The following ACSM3 variants were observed in gnomAD, a reference collection of about 807,000 sequenced individuals.
ACSM3 encodes acyl-CoA synthetase medium chain family member 3.
In ACSM3, 61 loss-of-function variants were observed where a neutral mutation model predicts 74.1. The observed-to-expected ratio is 0.82, with a 90% CI of 0.67 to 1.02. The LOEUF (loss-of-function observed/expected upper bound fraction) is 1.02, where lower values mean the gene tolerates loss of function less well. ACSM3 is among the 50% of genes least tolerant of loss of function. The pLI is 0.00. For synonymous variants in ACSM3, 213 were observed against 241.5 expected (o/e 0.88, Z 1.09); for missense variants, 660 against 697.0 (o/e 0.95, Z 0.60).
At chr16:20,738,742 T>A in intron 1 of ACSM3, 1 of 818,202 alleles carries the variant, frequency 1.2e-6, no homozygotes. Flanking sequence ...CCATTCTACC[T>A]CTCCACAGGC....
intron 13 of ACSM3, 172 bp downstream of exon 13, chr16:20,796,661 A>G: frequency 6.8e-7 from 1 of 1,479,208 alleles, no homozygotes; most frequent in Non-Finnish European, 8.9e-7. Flanking sequence ...GAAACCCTGA[A>G]CCTATTTTGT....
intron 2 of ACSM3, among the ~76,000 whole-genome samples, chr16:20,770,679 T>C (rs2080182155): frequency 6.6e-6 from 1 of 152,186 alleles, no homozygotes; most frequent in Non-Finnish European, 1.5e-5. Flanking sequence ...TGGGAAATGA[T>C]TTGGGCCAAA....
intron 1 of ACSM3, among the ~76,000 whole-genome samples, chr16:20,744,659 C>T (rs1320182453): frequency 6.6e-6 from 1 of 152,222 alleles, no homozygotes; most frequent in African/African-American, 2.4e-5. Context: ...GCTGGGATTA[C>T]AGGCATGAGC....
intron 1 of ACSM3, among the ~76,000 whole-genome samples, chr16:20,766,782 T>C (rs1004696617): frequency 6.6e-6 from 1 of 152,082 alleles, no homozygotes; most frequent in African/African-American, 2.4e-5. Flanking sequence ...TTTAAAAAAA[T>C]AGAATGAAGA....
intron 1 of ACSM3, among the ~76,000 whole-genome samples, chr16:20,768,506 A>T (rs972223029): frequency 6.6e-6 from 1 of 152,376 alleles, no homozygotes; most frequent in South Asian, 2.1e-4. Flanking sequence ...CACAAATCAC[A>T]GCCTCTAAAT....
At chr16:20,682,040 G>T (rs550274666) in intron 1 of ACSM3, 4 of 492,518 alleles carry the variant, frequency 8.1e-6, no homozygotes, top group African/African-American at 5.8e-5. Flanking sequence ...TCTGTAGTAA[G>T]CTTCCCCCTG....
intron 2 of ACSM3, among the ~76,000 whole-genome samples, chr16:20,774,444 T>C (rs2080231043): frequency 6.6e-6 from 1 of 152,178 alleles, no homozygotes; most frequent in Non-Finnish European, 1.5e-5. Flanking sequence ...GGTTTCCCCA[T>C]GTTGGCCAGG....
In ACSM3 at chr16:20,775,900, G is replaced by C. The variant is rs769922075; in HGVS notation, c.281G>C (p.Arg94Pro). ...WWINRNGEEMRWSFEELGSLS... is the reference protein window; with the variant it reads ...WWINRNGEEMPWSFEELGSLS... ...ATCAACAGAAATGGAGAAGAGATGC[G>C]ATGGAGTTTTGAGGAACTGGGATCT... is the stretch of plus-strand genomic sequence containing the variant. The change falls in exon 3 of 14, where the codon CGA becomes CCA. Residue 94 changes from arginine (R) to proline (P), a missense_variant. Physicochemically the swap from Arg to Pro is moderately radical, Grantham distance 103. Coordinates refer to ENST00000289416, the MANE Select transcript of ACSM3 (RefSeq NM_005622.4). The C allele has an allele frequency of 9.3e-6, 15 of 1,614,040 alleles. No individual in the cohort carries two copies. The highest frequency in any genetic ancestry group is 1.2e-5 in the Non-Finnish European group (14 of 1,180,040).
At chr16:20,760,334 A>C (rs1046873513), upstream of ACSM3, among the ~76,000 whole-genome samples, 5 of 152,146 alleles carry the variant, frequency 3.3e-5, no homozygotes, top group African/African-American at 9.7e-5. Flanking sequence ...AGAGACTGAA[A>C]AAGGTTCAGG....
At chr16:20,761,087 C>T (rs11643290), upstream of ACSM3, among the ~76,000 whole-genome samples, 19,993 of 151,440 alleles carry the variant, frequency 0.13, 1,377 homozygotes, top group East Asian at 0.21. Context: ...CAGGCTGAAC[C>T]AATGTATACA....
chr16:20,718,016 A>AGAAGAAGAAGAAGAG (rs2079771311), intron 1 of ACSM3, among the ~76,000 whole-genome samples: 2 of 149,262 alleles, frequency 1.3e-5, no homozygotes, highest in African/African-American at 2.5e-5. Context: ...AAGAAGAAGA[A>AGAAGAAGAAGAAGAG]GAAGAAGAAG....
intron 3 of ACSM3, among the ~76,000 whole-genome samples, chr16:20,776,669 T>G (rs1040501765): frequency 1.3e-5 from 2 of 152,250 alleles, no homozygotes; most frequent in Non-Finnish European, 2.9e-5. Context: ...AGAAGTAGTA[T>G]TATTACAATA....
At chr16:20,785,230 A>T (rs2080446847) in intron 8 of ACSM3, 123 bp downstream of exon 8, 1 of 1,350,214 alleles carries the variant, frequency 7.4e-7, no homozygotes, top group African/African-American at 1.5e-5. Flanking sequence ...GAAAATGTTT[A>T]AAAAAACAAT....
At chr16:20,692,058 C>A (rs1206424105) in intron 1 of ACSM3, among the ~76,000 whole-genome samples, 1 of 152,182 alleles carries the variant, frequency 6.6e-6, no homozygotes, top group Admixed American at 6.5e-5. Flanking sequence ...CCAAAAGATT[C>A]TCCTTTGCCT....
chr16:20,693,241 G>A (rs1287316094), intron 1 of ACSM3, among the ~76,000 whole-genome samples: 1 of 151,892 alleles, frequency 6.6e-6, no homozygotes, highest in Admixed American at 6.6e-5. Flanking sequence ...GGACTGGGAT[G>A]TGGCATTGAG....
chr16:20,778,369 C>T (rs1410680578), intron 4 of ACSM3, among the ~76,000 whole-genome samples: 1 of 152,152 alleles, frequency 6.6e-6, no homozygotes, highest in Non-Finnish European at 1.5e-5. Context: ...AGCATGCTTG[C>T]AACTATGGAC....
chr16:20,745,297 C>A (rs1726474141), intron 1 of ACSM3, among the ~76,000 whole-genome samples: 1 of 152,028 alleles, frequency 6.6e-6, no homozygotes, highest in Admixed American at 6.6e-5. Context: ...TAGAAGGGAC[C>A]ACTTGGGGCC....
chr16:20,727,461 G>A, intron 1 of ACSM3: 1 of 469,856 alleles, frequency 2.1e-6, no homozygotes, highest in Non-Finnish European at 4.1e-6. Context: ...TGGACAGACG[G>A]AAGTGGTATA....
intron 3 of ACSM3, 82 bp downstream of exon 3, chr16:20,776,131 A>G: frequency 1.4e-6 from 2 of 1,447,814 alleles, no homozygotes; most frequent in Non-Finnish European, 1.9e-6. Context: ...ATCATGATAC[A>G]TTTATTTTGT....
Sources: allele counts gnomAD v4.1 joint callset (sites outside exome capture counted in the v4.1 genomes callset), GRCh38; gene constraint gnomAD v4.1.1; transcripts MANE v1.5; gene names NCBI Gene and HGNC (gene_info 2026-07-23, HGNC 2026-07-21).